The following ASTN1 variants were observed in gnomAD, a reference collection of about 807,000 sequenced individuals.
ASTN1 encodes the protein astrotactin 1.
ASTN1 carries 41 observed loss-of-function variants against 140.7 expected under a neutral mutation model. That is an observed-to-expected ratio of 0.29 (90% CI 0.23 to 0.38). The LOEUF (loss-of-function observed/expected upper bound fraction) is 0.38, where lower values mean the gene tolerates loss of function less well. ASTN1 is among the 10% of genes least tolerant of loss of function. The pLI, the probability that ASTN1 is intolerant of heterozygous loss-of-function variation, is 1.00. For missense variants in ASTN1, 1,479 were observed against 1,678.8 expected (o/e 0.88, Z 2.08); for synonymous variants, 640 against 652.2 (o/e 0.98, Z 0.29).
intron 8 of ASTN1, among the ~76,000 whole-genome samples, chr1:176,989,121 A>G (rs1284691005): frequency 6.6e-6 from 1 of 152,228 alleles, no homozygotes; most frequent in Non-Finnish European, 1.5e-5. Flanking sequence ...ACTTAGCCCT[A>G]GATCTCTATA....
intron 21 of ASTN1, among the ~76,000 whole-genome samples, chr1:176,869,717 C>T (rs2103013287): frequency 6.6e-6 from 1 of 152,194 alleles, no homozygotes; most frequent in East Asian, 1.9e-4. Context: ...TGAGTGTGTT[C>T]CCATGGGGCA....
chr1:177,003,024 T>G (rs895580923), intron 8 of ASTN1, among the ~76,000 whole-genome samples: 1 of 151,630 alleles, frequency 6.6e-6, no homozygotes, highest in African/African-American at 2.4e-5. Flanking sequence ...CAGGGGCAGA[T>G]GCACACATAT....
At chr1:177,121,234 G>A (rs765333649) in intron 1 of ASTN1, among the ~76,000 whole-genome samples, 1 of 152,118 alleles carries the variant, frequency 6.6e-6, no homozygotes, top group Non-Finnish European at 1.5e-5. Context: ...TGCTTTATAA[G>A]ATGAACACTG....
At chr1:177,014,769 A>G in intron 8 of ASTN1, 22 bp downstream of exon 8, 1 of 1,597,108 alleles carries the variant, frequency 6.3e-7, no homozygotes, top group Non-Finnish European at 8.6e-7. Flanking sequence ...GGAACCAGCT[A>G]AGTCGTCATG....
At chr1:177,127,252 G>A (rs954000412) in intron 1 of ASTN1, among the ~76,000 whole-genome samples, 6 of 151,752 alleles carry the variant, frequency 4.0e-5, no homozygotes, top group East Asian at 1.9e-4. Flanking sequence ...CTTTAGTGTC[G>A]ATTGCACACT....
chr1:176,944,079 ATTTTT>A (rs35968661), intron 13 of ASTN1, 61 bp from the exon 14 acceptor site: 2 of 1,415,996 alleles, frequency 1.4e-6, no homozygotes, highest in South Asian at 1.3e-5. Flanking sequence ...CTTACTGAGC[ATTTTT>A]TTTTTTTTTT....
intron 20 of ASTN1, among the ~76,000 whole-genome samples, chr1:176,879,134 G>A (rs1456206418): frequency 6.6e-6 from 1 of 152,148 alleles, no homozygotes; most frequent in East Asian, 1.9e-4. Flanking sequence ...GGCCTGACCC[G>A]GTCCTCTGGT....
At chr1:176,957,257 A>G (rs1672447298) in intron 11 of ASTN1, among the ~76,000 whole-genome samples, 1 of 152,154 alleles carries the variant, frequency 6.6e-6, no homozygotes, top group Non-Finnish European at 1.5e-5. Context: ...TTGAAGAAGC[A>G]GGTGCTCATT....
chr1:176,958,550 CA>C (rs1391330404), intron 9 of ASTN1, 68 bp from the exon 10 acceptor site: 16 of 1,493,178 alleles, frequency 1.1e-5, no homozygotes, highest in Non-Finnish European at 1.4e-5. Flanking sequence ...GGGGATCTAG[CA>C]TTCCATTACC....
chr1:176,993,951 T>C (rs1674309698), intron 8 of ASTN1, among the ~76,000 whole-genome samples: 1 of 152,164 alleles, frequency 6.6e-6, no homozygotes, highest in Non-Finnish European at 1.5e-5. Context: ...CGATGGAGAT[T>C]CCTCACTTCC....
intron 1 of ASTN1, among the ~76,000 whole-genome samples, chr1:177,101,539 C>A (rs956348189): frequency 3.3e-5 from 5 of 152,044 alleles, no homozygotes; most frequent in African/African-American, 1.2e-4. Flanking sequence ...ACTGGTTTTC[C>A]TGGGGGTGAG....
chr1:177,145,474 C>T (rs1370681425), intron 1 of ASTN1, among the ~76,000 whole-genome samples: 1 of 152,200 alleles, frequency 6.6e-6, no homozygotes, highest in Non-Finnish European at 1.5e-5. Context: ...AGCACTCTTC[C>T]TTTCTGACCC....
At chr1:176,990,886 C>G (rs552480049) in intron 8 of ASTN1, among the ~76,000 whole-genome samples, 7 of 152,210 alleles carry the variant, frequency 4.6e-5, no homozygotes, top group Non-Finnish European at 1.0e-4. Flanking sequence ...ATTCTCTAAA[C>G]AACCTCTCTT....
intron 1 of ASTN1, among the ~76,000 whole-genome samples, chr1:177,144,443 G>C (rs978638530): frequency 1.3e-5 from 2 of 150,578 alleles, no homozygotes; most frequent in East Asian, 3.9e-4. Flanking sequence ...TAGTAGAGAC[G>C]GGGTTTCACC....
intron 8 of ASTN1, among the ~76,000 whole-genome samples, chr1:176,999,063 T>A (rs560433232): frequency 6.6e-6 from 1 of 152,324 alleles, no homozygotes; most frequent in South Asian, 2.1e-4. Flanking sequence ...TGTCTTCACC[T>A]TCACTTATCA....
At chr1:177,135,806 A>T (rs1682168730) in intron 1 of ASTN1, among the ~76,000 whole-genome samples, 1 of 152,106 alleles carries the variant, frequency 6.6e-6, no homozygotes, top group East Asian at 1.9e-4. Flanking sequence ...TGTTCTCATG[A>T]CCCAGTAGCA....
chr1:177,054,881 C>G (rs1359402816), intron 2 of ASTN1, among the ~76,000 whole-genome samples: 1 of 152,142 alleles, frequency 6.6e-6, no homozygotes, highest in Non-Finnish European at 1.5e-5. Flanking sequence ...GTGAAAGAGC[C>G]AAACCACAAG....
chr1:176,928,706 G>A (rs1671076916), intron 16 of ASTN1, among the ~76,000 whole-genome samples: 1 of 152,164 alleles, frequency 6.6e-6, no homozygotes, highest in South Asian at 2.1e-4. Flanking sequence ...CTTAGTCCTG[G>A]ACCCATGTTG....
intron 16 of ASTN1, among the ~76,000 whole-genome samples, chr1:176,899,347 G>A (rs769894193): frequency 2.6e-5 from 4 of 152,138 alleles, no homozygotes; most frequent in African/African-American, 7.2e-5. Flanking sequence ...AAAAGTGACC[G>A]GCCCATTCTC....
Sources: gnomAD v4.1 joint callset for allele counts (sites outside exome capture counted in the v4.1 genomes callset) on GRCh38, gnomAD v4.1.1 for gene constraint, MANE v1.5 for transcripts, NCBI Gene and HGNC (gene_info 2026-07-23, HGNC 2026-07-21) for gene names.